The following TPTE variants were observed in gnomAD, a reference collection of about 807,000 sequenced individuals.
TPTE encodes transmembrane phosphatase with tensin homology, also known as putative tyrosine-protein phosphatase TPTE.
TPTE carries 59 observed loss-of-function variants against 84.1 expected under a neutral mutation model. The observed-to-expected ratio is 0.70, with a 90% CI of 0.57 to 0.87. The LOEUF is 0.87. Among genes scored for constraint, TPTE ranks in the 40% least tolerant of loss-of-function variants. The pLI, the probability that TPTE is intolerant of heterozygous loss-of-function variation, is 0.00. For synonymous variants in TPTE, 130 were observed against 223.5 expected (o/e 0.58, Z 3.73); for missense variants, 382 against 659.6 (o/e 0.58, Z 4.61).
rs1290183878 is a variant in TPTE at position 10,550,036 on chromosome 21, T to G, written c.174-2621T>G. Among the ~76,000 whole-genome samples the G allele has an allele frequency of 4.6e-5, 7 of 152,424 alleles. No homozygotes were observed. The East Asian group carries it at 1.3e-3, about 29-fold the overall frequency. The stretch of plus-strand genomic sequence containing the variant: ...TTCGAAGTTCTGAAAGAAAAAAATC[T>G]TTCAGCCAAGAATATTATAGCCAGC... On this transcript the variant is annotated intron_variant, in intron 7 of 23. Coordinates refer to ENST00000618007, the MANE Select transcript of TPTE (RefSeq NM_199261.4).
At chr21:10,589,163 T>G (rs2075418445) in intron 17 of TPTE, among the ~76,000 whole-genome samples, 1 of 152,312 alleles carries the variant, frequency 6.6e-6, no homozygotes, top group Non-Finnish European at 1.5e-5. Flanking sequence ...TTCTTTTTCT[T>G]TCCTTTCCTA....
chr21:10,527,155 T>TCACACACACACACA (rs1302903658), intron 2 of TPTE, among the ~76,000 whole-genome samples, 200 bp from the exon 3 acceptor site: 6 of 144,522 alleles, frequency 4.2e-5, no homozygotes, highest in Admixed American at 6.9e-5. Flanking sequence ...TCTCTCTCTC[T>TCACACACACACACA]CTCACACACA....
chr21:10,547,050 TG>T (rs2074481487), intron 7 of TPTE, among the ~76,000 whole-genome samples: 1 of 152,306 alleles, frequency 6.6e-6, no homozygotes, highest in Non-Finnish European at 1.5e-5. Context: ...AGTCAACGCA[TG>T]GTTTCAAATC....
intron 8 of TPTE, among the ~76,000 whole-genome samples, chr21:10,556,943 G>A (rs1228693278): frequency 4.6e-5 from 7 of 152,310 alleles, no homozygotes; most frequent in African/African-American, 1.2e-4. Flanking sequence ...CTGGATATTA[G>A]TCCTTTGTCA....
At chr21:10,572,846 AAG>A (rs1310844091) in intron 14 of TPTE, among the ~76,000 whole-genome samples, 1 of 152,306 alleles carries the variant, frequency 6.6e-6, no homozygotes, top group African/African-American at 2.4e-5. Flanking sequence ...ACACATGAGA[AAG>A]AGAAAGGAAT....
intron 17 of TPTE, among the ~76,000 whole-genome samples, chr21:10,587,325 G>C (rs1376310403): frequency 1.3e-5 from 2 of 152,310 alleles, no homozygotes; most frequent in East Asian, 1.9e-4. Context: ...CCCAGGTACT[G>C]AGCACAAGAC....
intron 10 of TPTE, among the ~76,000 whole-genome samples, chr21:10,561,974 CAGT>C (rs1228078701): frequency 1.3e-5 from 2 of 152,306 alleles, no homozygotes; most frequent in Admixed American, 1.3e-4. Flanking sequence ...AATGCAGTCA[CAGT>C]AGTGGTGGCC....
At chr21:10,527,153 T>TCACACACACACA (rs1316269731) in intron 2 of TPTE, among the ~76,000 whole-genome samples, 31 of 149,294 alleles carry the variant, frequency 2.1e-4, no homozygotes, top group African/African-American at 6.8e-4. Flanking sequence ...TCTCTCTCTC[T>TCACACACACACA]CTCTCACACA....
chr21:10,604,900 A>G (rs572085677), intron 23 of TPTE, among the ~76,000 whole-genome samples: 323 of 151,874 alleles, frequency 2.1e-3, no homozygotes, highest in Non-Finnish European at 3.6e-3. Context: ...TGTTTAGCTA[A>G]AAATGCTAAC....
intron 7 of TPTE, among the ~76,000 whole-genome samples, chr21:10,551,914 T>C (rs908596126): frequency 6.6e-6 from 1 of 152,306 alleles, no homozygotes; most frequent in African/African-American, 2.4e-5. Context: ...GAATCAGTAA[T>C]AAAAAGGCTT....
chr21:10,591,612 T>C (rs2075477990), intron 18 of TPTE, among the ~76,000 whole-genome samples: 1 of 152,312 alleles, frequency 6.6e-6, no homozygotes, highest in Non-Finnish European at 1.5e-5. Context: ...TTGAAAGTCA[T>C]TGACAGCCAT....
chr21:10,524,688 G>A lies in TPTE; in HGVS notation c.-102G>A, dbSNP rs2074048198. The A allele has an allele frequency of 6.5e-6, 1 of 152,944 alleles. No homozygotes were observed. The highest frequency in any genetic ancestry group is 6.5e-5 in the Admixed American group (1 of 15,300). The allele number at this position is 152,944 out of a possible 1,614,324, so 9.5% of individuals were successfully genotyped here. A position where few individuals can be genotyped will look rare whatever the true frequency, so the allele number is the denominator to read the frequency against. On this transcript the variant is annotated splice_region_variant and 5_prime_UTR_variant, in exon 2 of 24. Coordinates refer to ENST00000618007, the MANE Select transcript of TPTE (RefSeq NM_199261.4). The stretch of plus-strand genomic sequence containing the variant: ...GGCTCTGGAAGCAGTCTGGTGTATA[G>A]GTAAGCATGTCCAGGGCTTATAGGG...
intron 23 of TPTE, 139 bp from the exon 24 acceptor site, chr21:10,605,278 T>C: frequency 1.6e-6 from 2 of 1,216,280 alleles, no homozygotes; most frequent in Non-Finnish European, 2.2e-6. Context: ...AGGAGCCAAC[T>C]GAGACACAAA....
intron 23 of TPTE, among the ~76,000 whole-genome samples, chr21:10,605,204 C>A (rs1227015357): frequency 6.6e-6 from 1 of 152,310 alleles, no homozygotes; most frequent in African/African-American, 2.4e-5. Flanking sequence ...CTAAGAGAGT[C>A]AGCATGTGTT....
At chr21:10,545,742 T>C (rs1291402782) in intron 7 of TPTE, among the ~76,000 whole-genome samples, 1 of 151,802 alleles carries the variant, frequency 6.6e-6, no homozygotes, top group African/African-American at 2.4e-5. Context: ...TAAATATGTA[T>C]TTGTGTGTAT....
chr21:10,546,302 A>T (rs1167853374), intron 7 of TPTE, among the ~76,000 whole-genome samples: 14 of 152,422 alleles, frequency 9.2e-5, no homozygotes, highest in African/African-American at 3.4e-4. Flanking sequence ...TGACAAGCCT[A>T]ATCAATGACA....
chr21:10,556,840 C>T (rs1351958200), intron 8 of TPTE, among the ~76,000 whole-genome samples: 1 of 152,308 alleles, frequency 6.6e-6, no homozygotes, highest in East Asian at 1.9e-4. Context: ...TAAATGTCTT[C>T]TTTTGAGAAG....
At chr21:10,587,918 C>T (rs559288452) in intron 17 of TPTE, among the ~76,000 whole-genome samples, 173 of 152,164 alleles carry the variant, frequency 1.1e-3, no homozygotes, top group East Asian at 1.7e-3. Context: ...GGTGCAATCT[C>T]GGTCACTGCA....
chr21:10,576,689 A>G (rs2075157915), intron 14 of TPTE: 1 of 152,324 alleles, frequency 6.6e-6, no homozygotes. Context: ...ATTTTGTGTC[A>G]TTTTTGTTGT....
Sources: gnomAD v4.1 joint callset for allele counts (sites outside exome capture counted in the v4.1 genomes callset) on GRCh38, gnomAD v4.1.1 for gene constraint, MANE v1.5 for transcripts, NCBI Gene and HGNC (gene_info 2026-07-23, HGNC 2026-07-21) for gene names.